The following LAMA2 variants were observed in gnomAD, a reference collection of about 807,000 sequenced individuals.
LAMA2 encodes the protein laminin subunit alpha-2.
In LAMA2, 269 loss-of-function variants were observed where a neutral mutation model predicts 364.8. That is an observed-to-expected ratio of 0.74 (90% CI 0.67 to 0.82). The LOEUF (loss-of-function observed/expected upper bound fraction) is 0.82. LAMA2 is among the 40% of genes least tolerant of loss of function. LAMA2 has a pLI of 0.00. For missense variants in LAMA2, 3,807 were observed against 3,873.2 expected (o/e 0.98, Z 0.45); for synonymous variants, 1,379 against 1,370.6 (o/e 1.01, Z -0.14).
At chr6:129,238,598 AGAGAG>A (rs1241413727) in intron 12 of LAMA2, among the ~76,000 whole-genome samples, 2 of 152,006 alleles carry the variant, frequency 1.3e-5, no homozygotes, top group Non-Finnish European at 2.9e-5. Flanking sequence ...AGAGAGAGAG[AGAGAG>A]AAAGCCCAAG....
chr6:129,179,467 T>C (rs150810627), intron 10 of LAMA2, among the ~76,000 whole-genome samples: 12 of 152,232 alleles, frequency 7.9e-5, no homozygotes, highest in African/African-American at 2.6e-4. Flanking sequence ...TTGGTAAATA[T>C]AGCGAGAAAG....
At chr6:129,193,016 A>G (rs1479228423) in intron 12 of LAMA2, among the ~76,000 whole-genome samples, 163 bp downstream of exon 12, 2 of 152,216 alleles carry the variant, frequency 1.3e-5, no homozygotes, top group Non-Finnish European at 2.9e-5. Context: ...TCCATGTTGC[A>G]CAAGACCTTA....
rs1246940477 is a variant in LAMA2, at chr6:129,353,320, CA to C, written c.4682del (p.Lys1561SerfsTer34). 1 of 1,613,944 alleles carries C rather than the reference CA, an allele frequency of 6.2e-7. No individual in the cohort carries two copies. The highest frequency in any genetic ancestry group is 1.3e-5 in the African/African-American group (1 of 74,894). On this transcript the variant is annotated frameshift_variant, in exon 32 of 65. Transcript: ENST00000421865. LOFTEE classifies it high-confidence loss of function. ...CCACGGGAAGGAAGTGTGACGGCTGCAAGCACTGGCATGCACGCGAGGGCTG... is the reference window on the plus strand; with the variant it reads ...CCACGGGAAGGAAGTGTGACGGCTGCAGCACTGGCATGCACGCGAGGGCTG... ...GATGRKCDGC[K>X]HWHAREGWEC... is the part of the protein sequence containing the mutation.
intron 1 of LAMA2, among the ~76,000 whole-genome samples, chr6:128,997,320 G>GAC (rs772646487): frequency 1.0e-4 from 14 of 137,278 alleles, no homozygotes; most frequent in Non-Finnish European, 1.7e-4. Context: ...GAAACAAAGA[G>GAC]AGAGAGAGAA....
intron 4 of LAMA2, among the ~76,000 whole-genome samples, chr6:129,142,348 G>T (rs1158774956): frequency 1.3e-5 from 2 of 151,988 alleles, no homozygotes; most frequent in Non-Finnish European, 1.5e-5. Flanking sequence ...GGGGCTTGCA[G>T]ACTGCTGACT....
chr6:128,932,660 C>G (rs1290344398), intron 1 of LAMA2, among the ~76,000 whole-genome samples: 3 of 152,000 alleles, frequency 2.0e-5, no homozygotes, highest in South Asian at 2.1e-4. Context: ...ATATCTAGTC[C>G]TGGAGTTAAG....
chr6:129,382,800 T>C (rs769421720), intron 34 of LAMA2, among the ~76,000 whole-genome samples: 11 of 152,214 alleles, frequency 7.2e-5, no homozygotes, highest in Non-Finnish European at 1.2e-4. Context: ...GGCTGAAGAT[T>C]CCATTAAGGA....
chr6:129,366,214 C>T lies in LAMA2; in HGVS notation c.4718-5C>T, dbSNP rs758572261. On this transcript the variant is annotated splice_polypyrimidine_tract_variant and splice_region_variant and intron_variant, in intron 32 of 64. Transcript: ENST00000421865. ...TAACTACTCTTTGTCACTTCTCTTTCACAGTTTGTGGAGATGAGTGCACTG... is the reference window on the plus strand; with the variant it reads ...TAACTACTCTTTGTCACTTCTCTTTTACAGTTTGTGGAGATGAGTGCACTG... The T allele has an allele frequency of 6.2e-7, 1 of 1,613,532 alleles. No individual in the cohort carries two copies. The highest frequency in any genetic ancestry group is 8.5e-7 in the Non-Finnish European group (1 of 1,179,896).
chr6:129,251,182 T>G (rs1424081651), intron 13 of LAMA2, among the ~76,000 whole-genome samples: 5 of 150,824 alleles, frequency 3.3e-5, no homozygotes, highest in Non-Finnish European at 5.9e-5. Flanking sequence ...GTGAAATTAT[T>G]TAGCATTCAT....
At chr6:129,080,635 T>G (rs950365029) in intron 3 of LAMA2, among the ~76,000 whole-genome samples, 1 of 151,986 alleles carries the variant, frequency 6.6e-6, no homozygotes, top group Non-Finnish European at 1.5e-5. Flanking sequence ...AACAGACACA[T>G]GAAAAAATGC....
chr6:129,315,050 G>A (rs1283200098), intron 24 of LAMA2, among the ~76,000 whole-genome samples: 3 of 152,130 alleles, frequency 2.0e-5, no homozygotes, highest in Non-Finnish European at 4.4e-5. Context: ...AACCTTGTCC[G>A]GGAAGCATTA....
chr6:129,184,880 T>C (rs1361883317), intron 10 of LAMA2, among the ~76,000 whole-genome samples: 1 of 152,012 alleles, frequency 6.6e-6, no homozygotes, highest in Non-Finnish European at 1.5e-5. Flanking sequence ...TGAGAACTAA[T>C]GTTTATGTAT....
chr6:129,491,070 C>T (rs1234117966), intron 56 of LAMA2: 1 of 152,132 alleles, frequency 6.6e-6, no homozygotes, highest in Non-Finnish European at 1.5e-5. Context: ...GTTTTCTCTC[C>T]AGATATGAAG....
At chr6:129,370,760 TGACAG>T (rs1295509766) in intron 34 of LAMA2, among the ~76,000 whole-genome samples, 56 of 152,334 alleles carry the variant, frequency 3.7e-4, no homozygotes, top group African/African-American at 1.3e-3. Context: ...CCTCGGGCCA[TGACAG>T]TGAAACGAAT....
intron 10 of LAMA2, among the ~76,000 whole-genome samples, chr6:129,183,395 A>G (rs1421531844): frequency 6.6e-6 from 1 of 152,004 alleles, no homozygotes; most frequent in Admixed American, 6.6e-5. Flanking sequence ...TAGAAAGATA[A>G]ATAGTGAAGT....
chr6:128,958,599 T>C (rs1272001342), intron 1 of LAMA2, among the ~76,000 whole-genome samples: 1 of 152,182 alleles, frequency 6.6e-6, no homozygotes, highest in African/African-American at 2.4e-5. Flanking sequence ...ATAGGCTTTA[T>C]CTTTTGGAAA....
At chr6:129,460,925 A>G (rs754539340) in intron 49 of LAMA2, among the ~76,000 whole-genome samples, 2 of 151,952 alleles carry the variant, frequency 1.3e-5, no homozygotes, top group African/African-American at 2.4e-5. Context: ...TTCCTAATAC[A>G]TGACCTCAAT....
chr6:129,331,919 A>G (rs1184064515), intron 29 of LAMA2, among the ~76,000 whole-genome samples: 1 of 152,132 alleles, frequency 6.6e-6, no homozygotes. Flanking sequence ...ATTCTTCTTG[A>G]AACCCTTTGC....
chr6:128,902,094 T>TAAA (rs2114419193), intron 1 of LAMA2, among the ~76,000 whole-genome samples: 1 of 152,280 alleles, frequency 6.6e-6, no homozygotes, highest in Admixed American at 6.5e-5. Context: ...AAGCCCCTTA[T>TAAA]AAAACCATCA....
Sources: allele counts gnomAD v4.1 joint callset (sites outside exome capture counted in the v4.1 genomes callset), GRCh38; gene constraint gnomAD v4.1.1; transcripts MANE v1.5; gene names NCBI Gene and HGNC (gene_info 2026-07-23, HGNC 2026-07-21).